Variants in RYR2 observed in about 807,000 individuals in gnomAD.
RYR2 encodes the protein cardiac muscle ryanodine receptor-calcium release channel.
A neutral mutation model predicts 601.1 loss-of-function variants in RYR2; 227 were observed. The ratio of observed to expected loss-of-function variants is 0.38; its 90% CI spans 0.34 to 0.42. The LOEUF is 0.42. Among genes scored for constraint, RYR2 ranks in the 10% least tolerant of loss-of-function variants. RYR2 has a pLI of 1.00. For missense variants in RYR2, 4,646 were observed against 6,156.5 expected, an observed-to-expected ratio of 0.75 and a Z score of 8.21; for synonymous variants, 2,223 against 2,175.1, an observed-to-expected ratio of 1.02 and a Z score of -0.61.
intron 98 of RYR2, among the ~76,000 whole-genome samples, chr1:237,803,592 G>T (rs187871255): frequency 6.6e-6 from 1 of 152,126 alleles, no homozygotes; most frequent in East Asian, 1.9e-4. Context: ...GAGCCACCAC[G>T]CCCAGTCTTG....
At chr1:237,638,563 T>A (rs1681115137) in intron 45 of RYR2, 71 bp downstream of exon 45, 6 of 1,489,890 alleles carry the variant, frequency 4.0e-6, no homozygotes. Flanking sequence ...AGGATTCATC[T>A]CAGCACTTTC....
At chr1:237,470,284 A>G (rs1292728625) in intron 17 of RYR2, among the ~76,000 whole-genome samples, 1 of 152,180 alleles carries the variant, frequency 6.6e-6, no homozygotes, top group Non-Finnish European at 1.5e-5. Flanking sequence ...CTCAAAAAAT[A>G]CCACTGTCCA....
chr1:237,263,278 A>G (rs1299093634), intron 1 of RYR2, among the ~76,000 whole-genome samples: 2 of 152,200 alleles, frequency 1.3e-5, no homozygotes, highest in Non-Finnish European at 2.9e-5. Context: ...TCAGCATGGC[A>G]GCATGTATTT....
intron 1 of RYR2, among the ~76,000 whole-genome samples, chr1:237,133,800 C>T (rs992375434): frequency 3.9e-5 from 6 of 151,960 alleles, no homozygotes; most frequent in African/African-American, 1.4e-4. Context: ...TGGCACATTC[C>T]TGTAATCCCA....
intron 24 of RYR2, 49 bp from the exon 25 acceptor site, chr1:237,530,378 T>A: frequency 1.4e-6 from 2 of 1,392,092 alleles, no homozygotes; most frequent in Non-Finnish European, 2.0e-6. Flanking sequence ...TGGGTTATTC[T>A]GGACATAGAG....
intron 70 of RYR2, among the ~76,000 whole-genome samples, chr1:237,710,111 T>A (rs1031262085): frequency 6.6e-6 from 1 of 152,200 alleles, no homozygotes; most frequent in African/African-American, 2.4e-5. Context: ...TTCACTATTT[T>A]GTGTATTGCA....
intron 62 of RYR2, among the ~76,000 whole-genome samples, chr1:237,684,459 G>A (rs977507277): frequency 6.6e-6 from 1 of 152,040 alleles, no homozygotes. Flanking sequence ...CAGCAGCTGG[G>A]GTGAGAAACA....
At chr1:237,516,160 G>C (rs1666525006) in intron 24 of RYR2, among the ~76,000 whole-genome samples, 2 of 152,016 alleles carry the variant, frequency 1.3e-5, no homozygotes, top group Non-Finnish European at 2.9e-5. Flanking sequence ...GCCTAGGCTG[G>C]AGTGCAGTTA....
intron 35 of RYR2, among the ~76,000 whole-genome samples, chr1:237,602,776 A>G (rs1375423581): frequency 3.9e-5 from 6 of 152,224 alleles, no homozygotes; most frequent in Non-Finnish European, 8.8e-5. Flanking sequence ...GTTAGCATCT[A>G]TTACATAGAC....
rs780052106 is a variant in RYR2, at chr1:237,650,123, G to A, written c.7733+26G>A. 2.7e-5 allele frequency: 43 copies of A among 1,584,068 alleles called. No individual in the cohort carries two copies. The Middle Eastern group carries it at 5.7e-4, about 21-fold the overall frequency. On this transcript the variant is annotated intron_variant, in intron 50 of 104. Transcript: ENST00000366574. Reference sequence around the variant, plus strand: ...GTGAGTGGATAACAAATTCTATTCCGGCTTCTTCTTTAAAAAACAGAATTT... The same window carrying A: ...GTGAGTGGATAACAAATTCTATTCCAGCTTCTTCTTTAAAAAACAGAATTT...
At chr1:237,829,091 CTGA>C (rs1212488266) in intron 102 of RYR2, among the ~76,000 whole-genome samples, 6 of 152,088 alleles carry the variant, frequency 3.9e-5, no homozygotes. Context: ...AGATTAAATT[CTGA>C]TGATGAGGCT....
intron 80 of RYR2, among the ~76,000 whole-genome samples, chr1:237,751,311 A>G (rs912609417): frequency 8.5e-5 from 13 of 152,208 alleles, no homozygotes; most frequent in African/African-American, 2.9e-4. Flanking sequence ...TTTTAAATCA[A>G]TATTGCATTT....
At chr1:237,490,909 T>C (rs1037749880) in intron 17 of RYR2, among the ~76,000 whole-genome samples, 1 of 152,194 alleles carries the variant, frequency 6.6e-6, no homozygotes, top group Non-Finnish European at 1.5e-5. Context: ...ACAGGGTTCC[T>C]CTGGGGCCCT....
intron 79 of RYR2, among the ~76,000 whole-genome samples, chr1:237,737,089 T>C (rs1313857132): frequency 1.3e-5 from 2 of 152,168 alleles, no homozygotes; most frequent in Non-Finnish European, 2.9e-5. Context: ...TGAGAATAGG[T>C]AGAAGCTCTT....
chr1:237,301,070 G>T (rs1693299998), intron 2 of RYR2, among the ~76,000 whole-genome samples: 1 of 152,020 alleles, frequency 6.6e-6, no homozygotes, highest in African/African-American at 2.4e-5. Context: ...TGAACACATG[G>T]CTTTAAGTAT....
intron 1 of RYR2, among the ~76,000 whole-genome samples, chr1:237,194,443 G>A (rs1239184416): frequency 1.3e-5 from 2 of 152,204 alleles, no homozygotes; most frequent in African/African-American, 2.4e-5. Flanking sequence ...GGAGAGGTAG[G>A]CCTGGGAATA....
intron 17 of RYR2, among the ~76,000 whole-genome samples, chr1:237,477,316 G>A (rs1273806815): frequency 2.0e-5 from 3 of 150,154 alleles, no homozygotes; most frequent in African/African-American, 7.4e-5. Context: ...GCTTGAACCT[G>A]GGAGGCAGAG....
At position 237,157,017 on chromosome 1, in the gene RYR2, C is replaced by T. The variant is rs571053161; in HGVS notation, c.49-113480C>T. Among the ~76,000 whole-genome samples, 17 of 152,228 alleles carry T rather than the reference C, an allele frequency of 1.1e-4. No individual in the cohort carries two copies. The South Asian group carries it at 1.2e-3, about 11-fold the overall frequency. On this transcript the variant is annotated intron_variant, in intron 1 of 104. Coordinates refer to ENST00000366574, the MANE Select transcript of RYR2 (RefSeq NM_001035.3). ...CCAAAAATAGAACCACCATACGGGC[C>T]GGGCACAGTGGCTCACGCCTGTAAT...
intron 15 of RYR2, among the ~76,000 whole-genome samples, chr1:237,456,198 C>T (rs1258480866): frequency 1.3e-5 from 2 of 152,112 alleles, no homozygotes; most frequent in African/African-American, 4.8e-5. Flanking sequence ...TGCATTACAG[C>T]ATTTTTGATT....
Sources: gnomAD v4.1 joint callset for allele counts (sites outside exome capture counted in the v4.1 genomes callset) on GRCh38, gnomAD v4.1.1 for gene constraint, MANE v1.5 for transcripts, NCBI Gene and HGNC (gene_info 2026-07-23, HGNC 2026-07-21) for gene names.